CHCHD6: variants seen among roughly 807,000 people sequenced by gnomAD.
CHCHD6 encodes coiled-coil-helix-coiled-coil-helix domain containing 6, also known as MICOS complex subunit MIC25.
CHCHD6 carries 28 observed loss-of-function variants against 32.3 expected under a neutral mutation model. The ratio of observed to expected loss-of-function variants is 0.87; its 90% CI spans 0.64 to 1.19. The LOEUF (loss-of-function observed/expected upper bound fraction) is 1.19, where lower values mean the gene tolerates loss of function less well. Ranked by LOEUF, CHCHD6 falls within the 50% of genes most tolerant of loss-of-function variation. The pLI, the probability that CHCHD6 is intolerant of heterozygous loss-of-function variation, is 0.00. For synonymous variants in CHCHD6, 122 were observed against 117.5 expected (o/e 1.04, Z -0.25); for missense variants, 333 against 307.0 (o/e 1.08, Z -0.63).
chr3:126,898,523 G>GT (rs570619734), intron 5 of CHCHD6, among the ~76,000 whole-genome samples: 1,799 of 152,176 alleles, frequency 0.012, 19 homozygotes, highest in Middle Eastern at 0.048. Flanking sequence ...TATTTAGTTA[G>GT]TTAGTTTAGT....
intron 4 of CHCHD6, among the ~76,000 whole-genome samples, chr3:126,745,471 A>G (rs1451784759): frequency 1.3e-5 from 2 of 152,198 alleles, no homozygotes; most frequent in Non-Finnish European, 2.9e-5. Flanking sequence ...TGGTCAATAC[A>G]TTCTTGCCTT....
intron 5 of CHCHD6, among the ~76,000 whole-genome samples, chr3:126,895,959 T>G (rs944190577): frequency 2.6e-5 from 4 of 152,202 alleles, no homozygotes; most frequent in African/African-American, 9.6e-5. Flanking sequence ...GGTGTGCTAG[T>G]GAGAGCTGGG....
intron 4 of CHCHD6, 124 bp downstream of exon 4, chr3:126,733,346 C>T (rs1033874867): frequency 9.4e-5 from 82 of 870,650 alleles, no homozygotes; most frequent in Admixed American, 1.9e-4. Context: ...GGGATGTGCT[C>T]GGCTTCACCT....
intron 5 of CHCHD6, among the ~76,000 whole-genome samples, chr3:126,889,420 C>A (rs2107577064): frequency 6.6e-6 from 1 of 152,302 alleles, no homozygotes; most frequent in South Asian, 2.1e-4. Flanking sequence ...TGCTATACCC[C>A]AGCCTGGAAG....
At chr3:126,813,780 C>T (rs1939760588) in intron 4 of CHCHD6, among the ~76,000 whole-genome samples, 1 of 152,168 alleles carries the variant, frequency 6.6e-6, no homozygotes, top group Admixed American at 6.5e-5. Context: ...AGCCCTTTGC[C>T]AGTCTTCCAG....
chr3:126,714,551 G>T (rs887890436), intron 1 of CHCHD6, among the ~76,000 whole-genome samples: 5 of 152,162 alleles, frequency 3.3e-5, no homozygotes, highest in Admixed American at 1.3e-4. Context: ...TACAGAGACT[G>T]GGGTGTCGGG....
At chr3:126,825,407 G>A (rs1940345901) in intron 4 of CHCHD6, among the ~76,000 whole-genome samples, 3 of 152,134 alleles carry the variant, frequency 2.0e-5, no homozygotes, top group South Asian at 4.1e-4. Context: ...GTTGGTTGTA[G>A]TGTTCTGTAT....
Position 126,956,417 on chromosome 3 carries a change from G to A in CHCHD6, c.567-999G>A, listed in dbSNP as rs140477502. ...AATAAATATGTCCCGCTCCTCCACT[G>A]TCCAGCTGCATGGCCTTAATTCTCT... On this transcript the variant is annotated intron_variant, in intron 6 of 7. Transcript: ENST00000290913. Among the ~76,000 whole-genome samples, 446 of 152,344 alleles carry A rather than the reference G, an allele frequency of 2.9e-3. 3 individuals carry two copies. Among genetic ancestry groups the A allele is most frequent in the Non-Finnish European group, 5.1e-3 (349 of 68,036 alleles).
intron 4 of CHCHD6, among the ~76,000 whole-genome samples, chr3:126,776,638 G>T (rs7627238): frequency 6.6e-6 from 1 of 152,256 alleles, no homozygotes; most frequent in South Asian, 2.1e-4. Flanking sequence ...AGCAACAACA[G>T]CAATCATATT....
At chr3:126,806,295 C>G (rs1939373500) in intron 4 of CHCHD6, among the ~76,000 whole-genome samples, 1 of 152,154 alleles carries the variant, frequency 6.6e-6, no homozygotes, top group South Asian at 2.1e-4. Context: ...TTTTCGCACC[C>G]TACTCATCTG....
At chr3:126,816,140 A>G (rs986609908) in intron 4 of CHCHD6, among the ~76,000 whole-genome samples, 6 of 151,386 alleles carry the variant, frequency 4.0e-5, no homozygotes, top group Admixed American at 3.3e-4. Flanking sequence ...CTACGTGTCC[A>G]TACCCACCTC....
chr3:126,833,764 C>A (rs114946430), intron 4 of CHCHD6, among the ~76,000 whole-genome samples: 2,875 of 152,276 alleles, frequency 0.019, 95 homozygotes, highest in African/African-American at 0.065. Context: ...GTTAGAATTA[C>A]CAATAACGTG....
At chr3:126,887,615 G>A (rs1355829642) in intron 5 of CHCHD6, among the ~76,000 whole-genome samples, 1 of 152,268 alleles carries the variant, frequency 6.6e-6, no homozygotes, top group East Asian at 1.9e-4. Context: ...TGAAACCCAT[G>A]TCTTCTGACT....
intron 4 of CHCHD6, among the ~76,000 whole-genome samples, chr3:126,786,279 A>G (rs1938209399): frequency 6.6e-6 from 1 of 152,208 alleles, no homozygotes. Flanking sequence ...ATGGTGCCGC[A>G]ATAAACATAC....
intron 1 of CHCHD6, among the ~76,000 whole-genome samples, chr3:126,712,261 T>G (rs1421138031): frequency 6.6e-6 from 1 of 152,228 alleles, no homozygotes; most frequent in African/African-American, 2.4e-5. Flanking sequence ...AAGGGTTTAG[T>G]TGAATATCCT....
At chr3:126,741,517 C>T (rs751447164) in intron 4 of CHCHD6, among the ~76,000 whole-genome samples, 2 of 152,104 alleles carry the variant, frequency 1.3e-5, no homozygotes, top group African/African-American at 2.4e-5. Context: ...TGAGGCTGCT[C>T]CTACTCAACC....
At chr3:126,842,526 T>C (rs759579871) in intron 4 of CHCHD6, among the ~76,000 whole-genome samples, 1 of 152,230 alleles carries the variant, frequency 6.6e-6, no homozygotes, top group African/African-American at 2.4e-5. Context: ...GTCAGGAATC[T>C]GTCTTCGTAG....
At chr3:126,742,234 G>A (rs928964029) in intron 4 of CHCHD6, among the ~76,000 whole-genome samples, 1 of 152,178 alleles carries the variant, frequency 6.6e-6, no homozygotes, top group African/African-American at 2.4e-5. Flanking sequence ...TCAATTCTTT[G>A]CAGCAGCGGT....
At chr3:126,862,413 C>T (rs1576512870) in intron 5 of CHCHD6, among the ~76,000 whole-genome samples, 10 of 135,608 alleles carry the variant, frequency 7.4e-5, no homozygotes, top group South Asian at 2.7e-4. Flanking sequence ...CCACCTCCTC[C>T]TCCACCATCA....
Sources: gnomAD v4.1 joint callset for allele counts (sites outside exome capture counted in the v4.1 genomes callset) on GRCh38, gnomAD v4.1.1 for gene constraint, MANE v1.5 for transcripts, NCBI Gene and HGNC (gene_info 2026-07-23, HGNC 2026-07-21) for gene names.